KCNQ5: variants seen among roughly 807,000 people sequenced by gnomAD.
The protein encoded by KCNQ5 is potassium voltage-gated channel subfamily Q member 5.
In KCNQ5, 30 loss-of-function variants were observed where a neutral mutation model predicts 98.2. The observed-to-expected ratio is 0.31, with a 90% CI of 0.23 to 0.41. KCNQ5 has a LOEUF of 0.41. Among genes scored for constraint, KCNQ5 ranks in the 10% least tolerant of loss-of-function variants. The pLI is 1.00. For missense variants in KCNQ5, 835 were observed against 1,182.5 expected, an observed-to-expected ratio of 0.71 and a Z score of 4.31; for synonymous variants, 458 against 449.4, an observed-to-expected ratio of 1.02 and a Z score of -0.24.
At chr6:72,817,398 T>C (rs1775552641) in intron 1 of KCNQ5, among the ~76,000 whole-genome samples, 1 of 152,192 alleles carries the variant, frequency 6.6e-6, no homozygotes. Flanking sequence ...CACAATTAGA[T>C]TCTAAAAATG....
intron 1 of KCNQ5, among the ~76,000 whole-genome samples, chr6:72,898,592 G>A (rs755554559): frequency 1.3e-5 from 2 of 152,152 alleles, no homozygotes; most frequent in Admixed American, 1.3e-4. Context: ...CATTTGGGCT[G>A]GTTCCATGTC....
At chr6:72,902,254 G>A (rs927019126) in intron 1 of KCNQ5, among the ~76,000 whole-genome samples, 1 of 152,058 alleles carries the variant, frequency 6.6e-6, no homozygotes, top group Non-Finnish European at 1.5e-5. Context: ...AAGTCTTTAG[G>A]GTTCTCAAGG....
chr6:72,829,091 C>T (rs533744836), intron 1 of KCNQ5, among the ~76,000 whole-genome samples: 1 of 152,082 alleles, frequency 6.6e-6, no homozygotes, highest in African/African-American at 2.4e-5. Flanking sequence ...TGTGGTGTGG[C>T]CCACACACCT....
chr6:73,131,691 G>A (rs1037604053), intron 9 of KCNQ5, among the ~76,000 whole-genome samples: 5 of 152,156 alleles, frequency 3.3e-5, no homozygotes, highest in Admixed American at 3.3e-4. Context: ...GGATGACATG[G>A]AAAACCTAGC....
chr6:73,022,959 AT>A (rs1770671839), intron 2 of KCNQ5, among the ~76,000 whole-genome samples: 1 of 152,216 alleles, frequency 6.6e-6, no homozygotes, highest in African/African-American at 2.4e-5. Flanking sequence ...GTGATTGGAA[AT>A]GGAAAGGAGG....
intron 8 of KCNQ5, among the ~76,000 whole-genome samples, chr6:73,124,169 T>G (rs1272525929): frequency 1.3e-5 from 2 of 152,242 alleles, no homozygotes; most frequent in Non-Finnish European, 2.9e-5. Context: ...GAGCCCTTGC[T>G]AATTCTGGTT....
chr6:73,102,904 T>C (rs1774848255), intron 5 of KCNQ5, among the ~76,000 whole-genome samples: 1 of 152,106 alleles, frequency 6.6e-6, no homozygotes, highest in Non-Finnish European at 1.5e-5. Flanking sequence ...AGGTTTCTCA[T>C]AAAACTAAAA....
chr6:73,032,358 G>A (rs913403531), intron 2 of KCNQ5, among the ~76,000 whole-genome samples: 12 of 152,152 alleles, frequency 7.9e-5, no homozygotes, highest in African/African-American at 2.2e-4. Flanking sequence ...AGTAGAGACC[G>A]GATTTCACCA....
Position 73,149,580 on chromosome 6 carries a change from G to A in KCNQ5, c.1468+15939G>A, listed in dbSNP as rs1018499468. Among the ~76,000 whole-genome samples the A allele has an allele frequency of 3.3e-5, 5 of 152,238 alleles. No homozygotes were observed. In the East Asian group the frequency reaches 7.7e-4, roughly 24 times the overall value. On this transcript the variant is annotated intron_variant, in intron 10 of 13. Coordinates refer to ENST00000370398, the MANE Select transcript of KCNQ5 (RefSeq NM_019842.4). ...TGGGATGCTGAGGCAGGCAAATCACGAGGTCAGGAGTTCAAGACCAGCCTG... is the reference window on the plus strand; with the variant it reads ...TGGGATGCTGAGGCAGGCAAATCACAAGGTCAGGAGTTCAAGACCAGCCTG...
intron 1 of KCNQ5, among the ~76,000 whole-genome samples, chr6:72,820,857 A>G (rs1582354164): frequency 1.3e-5 from 2 of 152,202 alleles, no homozygotes; most frequent in African/African-American, 4.8e-5. Context: ...GTATTATAAG[A>G]GTTGTCATTT....
chr6:73,190,131 TAG>T (rs369611022), intron 11 of KCNQ5, among the ~76,000 whole-genome samples: 7 of 152,028 alleles, frequency 4.6e-5, no homozygotes, highest in South Asian at 2.1e-4. Flanking sequence ...CTAGAGAGAA[TAG>T]AGTGTTTTGC....
chr6:72,768,167 G>C (rs1772674824), intron 1 of KCNQ5, among the ~76,000 whole-genome samples: 1 of 151,986 alleles, frequency 6.6e-6, no homozygotes. Context: ...TAGTTAAGAG[G>C]AATTGGGCAG....
At chr6:72,845,547 G>A (rs1277726608) in intron 1 of KCNQ5, among the ~76,000 whole-genome samples, 1 of 152,132 alleles carries the variant, frequency 6.6e-6, no homozygotes, top group Non-Finnish European at 1.5e-5. Flanking sequence ...AACACTTTCA[G>A]ATGAAAACAT....
At chr6:73,001,231 C>G (rs1474165116) in intron 1 of KCNQ5, among the ~76,000 whole-genome samples, 1 of 152,156 alleles carries the variant, frequency 6.6e-6, no homozygotes, top group Non-Finnish European at 1.5e-5. Context: ...TTTCTTAGCA[C>G]TTATCTGCCT....
intron 11 of KCNQ5, among the ~76,000 whole-genome samples, chr6:73,185,177 G>A (rs1459502103): frequency 6.6e-6 from 1 of 152,140 alleles, no homozygotes; most frequent in South Asian, 2.1e-4. Context: ...AAATTTCTAT[G>A]AAAGAAGTGA....
intron 1 of KCNQ5, among the ~76,000 whole-genome samples, chr6:72,656,172 T>C (rs1202836274): frequency 6.6e-6 from 1 of 152,166 alleles, no homozygotes; most frequent in Non-Finnish European, 1.5e-5. Flanking sequence ...TTTGTTGCTG[T>C]TTCTACTCTA....
At position 73,098,571 on chromosome 6, in the gene KCNQ5, C is replaced by G. The variant is rs571338318; in HGVS notation, c.919-6686C>G. The stretch of plus-strand genomic sequence containing the variant: ...CTGGCAGCAGACTTTTCAGTGGAAA[C>G]CTTACAGGCCAGGAAAGAGTGGCAT... On this transcript the variant is annotated intron_variant, in intron 5 of 13. Coordinates refer to ENST00000370398, the MANE Select transcript of KCNQ5 (RefSeq NM_019842.4). 8.5e-5 allele frequency among the ~76,000 whole-genome samples: 13 copies of G among 152,264 alleles called. No homozygotes were observed. In the South Asian group the frequency reaches 2.7e-3, roughly 32 times the overall value.
intron 1 of KCNQ5, among the ~76,000 whole-genome samples, chr6:72,833,506 A>T (rs1424005087): frequency 6.6e-6 from 1 of 152,190 alleles, no homozygotes; most frequent in Non-Finnish European, 1.5e-5. Context: ...ATAATCATGA[A>T]ATATTTCTTA....
intron 9 of KCNQ5, among the ~76,000 whole-genome samples, chr6:73,126,411 T>C (rs758851814): frequency 6.6e-6 from 1 of 152,228 alleles, no homozygotes; most frequent in African/African-American, 2.4e-5. Flanking sequence ...TGTTTTTAAA[T>C]GTTAGCACAG....
Sources: gnomAD v4.1 joint callset for allele counts (sites outside exome capture counted in the v4.1 genomes callset) on GRCh38, gnomAD v4.1.1 for gene constraint, MANE v1.5 for transcripts, NCBI Gene and HGNC (gene_info 2026-07-23, HGNC 2026-07-21) for gene names.